ANKRD16: variants seen among roughly 807,000 people sequenced by gnomAD.
ANKRD16 encodes ankyrin repeat domain 16, also known as ankyrin repeat domain-containing protein 16.
ANKRD16 carries 35 observed loss-of-function variants against 37.9 expected under a neutral mutation model. The ratio of observed to expected loss-of-function variants is 0.92; its 90% CI spans 0.71 to 1.23. The LOEUF (loss-of-function observed/expected upper bound fraction) is 1.23, where lower values mean the gene tolerates loss of function less well. Among genes scored for constraint, ANKRD16 ranks in the 50% most tolerant of loss-of-function variants. The probability of loss-of-function intolerance (pLI) is 0.00; values close to 1 mark genes in which losing one functional copy is unlikely to be tolerated. For synonymous variants in ANKRD16, 206 were observed against 197.2 expected (o/e 1.04, Z -0.37); for missense variants, 480 against 469.9 (o/e 1.02, Z -0.20).
At chr10:5,886,687 T>C (rs1842428826) in intron 2 of ANKRD16, among the ~76,000 whole-genome samples, 1 of 152,246 alleles carries the variant, frequency 6.6e-6, no homozygotes, top group African/African-American at 2.4e-5. Flanking sequence ...ATGTACTACC[T>C]AGAAAGCTAC....
rs1841957156 is a variant in ANKRD16, at chr10:5,862,455, T to C, written c.*270A>G. ...ATCCTCAGACTCTTCCAGTCAATGG[T>C]TGGTGATGTCATCAGCAACCATTTT... is the stretch of plus-strand genomic sequence containing the variant. On this transcript the variant is annotated 3_prime_UTR_variant, in exon 8 of 8. Coordinates refer to ENST00000380094, the MANE Select transcript of ANKRD16 (RefSeq NM_019046.3). The surrounding 1 kb of genome is among the most constrained non-coding windows in gnomAD (Gnocchi z 6.5). 3 of 454,144 alleles carry C rather than the reference T, an allele frequency of 6.6e-6. No individual in the cohort carries two copies. The highest frequency in any genetic ancestry group is 2.0e-5 in the African/African-American group (1 of 49,224). The allele number at this position is 454,144 out of a possible 1,614,324, so 28.1% of individuals were successfully genotyped here. A position where few individuals can be genotyped will look rare whatever the true frequency, so the allele number is the denominator to read the frequency against.
At chr10:5,881,791 C>T (rs1020738504) in intron 5 of ANKRD16, among the ~76,000 whole-genome samples, 1 of 151,052 alleles carries the variant, frequency 6.6e-6, no homozygotes, top group Admixed American at 6.6e-5. Context: ...AGGTTCACAC[C>T]ATTCTCCTGC....
intron 7 of ANKRD16, among the ~76,000 whole-genome samples, chr10:5,875,480 A>C (rs1203709940): frequency 6.6e-6 from 1 of 152,210 alleles, no homozygotes; most frequent in Non-Finnish European, 1.5e-5. Context: ...TGGGGAAAGA[A>C]GATATCAAAT....
Position 5,868,344 on chromosome 10 carries a change from G to T in ANKRD16, c.*34-5653C>A, listed in dbSNP as rs566182465. Among the ~76,000 whole-genome samples, 3 of 152,302 alleles carry T rather than the reference G, an allele frequency of 2.0e-5. No individual in the cohort carries two copies. The highest frequency in any genetic ancestry group is 4.1e-4 in the South Asian group (2 of 4,826). On this transcript the variant is annotated intron_variant, in intron 7 of 7. Transcript: ENST00000380094. The surrounding 1 kb of genome is among the most constrained non-coding windows in gnomAD (Gnocchi z 4.9). ...CTTCTTTGCCCCTATCCAGCAGGAAGTAGCTAGAATGGTCATCACCCAATT... is the reference window on the plus strand; with the variant it reads ...CTTCTTTGCCCCTATCCAGCAGGAATTAGCTAGAATGGTCATCACCCAATT...
intron 7 of ANKRD16, among the ~76,000 whole-genome samples, chr10:5,873,046 CT>C (rs1474881454): frequency 3.6e-5 from 2 of 56,012 alleles, no homozygotes; most frequent in Non-Finnish European, 7.4e-5. Context: ...TTTTTTTTTT[CT>C]GAGACAGAGT....
rs1249780085 is a variant in ANKRD16 at position 5,871,278 on chromosome 10, TCAGGAGGCTGAGG to T, written c.*33+6806_*33+6818del. ...GGCGCACGCCTGTAATCCCAGCTAC[TCAGGAGGCTGAGG>T]CAGGAGAATCGCTTGAACCCGGGAG... On this transcript the variant is annotated intron_variant, in intron 7 of 7. Coordinates refer to ENST00000380094, the MANE Select transcript of ANKRD16 (RefSeq NM_019046.3). This position sits in a 1 kb window ranked among gnomAD's most constrained non-coding sequence, Gnocchi z 4.5. Among the ~76,000 whole-genome samples the T allele has an allele frequency of 6.6e-6, 1 of 152,020 alleles. No homozygotes were observed. The highest frequency in any genetic ancestry group is 1.5e-5 in the Non-Finnish European group (1 of 67,992).
In ANKRD16 at chr10:5,868,840, A is replaced by C. The variant is rs116596766; in HGVS notation, c.*34-6149T>G. Among the ~76,000 whole-genome samples, 1 of 152,202 alleles carries C rather than the reference A, an allele frequency of 6.6e-6. No individual in the cohort carries two copies. The highest frequency in any genetic ancestry group is 1.5e-5 in the Non-Finnish European group (1 of 68,042). On this transcript the variant is annotated intron_variant, in intron 7 of 7. Transcript: ENST00000380094. This position sits in a 1 kb window ranked among gnomAD's most constrained non-coding sequence, Gnocchi z 4.9. ...AGGAGGAACAAACAACTCTGAATGTACCATCTTTAAGATCATAACACTCAC... is the reference window on the plus strand; with the variant it reads ...AGGAGGAACAAACAACTCTGAATGTCCCATCTTTAAGATCATAACACTCAC...
chr10:5,878,238 G>A lies in ANKRD16; in HGVS notation c.978C>T (p.Leu326=). 1 of 1,614,134 alleles carries A rather than the reference G, an allele frequency of 6.2e-7. No individual in the cohort carries two copies. Among genetic ancestry groups the A allele is most frequent in the Non-Finnish European group, 8.5e-7 (1 of 1,180,026 alleles). The part of the protein sequence containing the change: ...AGQHLACAKF[L]LQSGLKDSED... ...CAGAATCCTTCAGTCCCGACTGCAG[G>A]AGAAACTTGGCACAGGCCAAGTGCT... The change falls in exon 7 of 8, where the codon CTC becomes CTT. Residue 326 remains leucine (L), a synonymous_variant. Coordinates refer to ENST00000380094, the MANE Select transcript of ANKRD16 (RefSeq NM_019046.3). The surrounding 1 kb of genome is among the most constrained non-coding windows in gnomAD (Gnocchi z 5.1).
rs545595412 is a variant in ANKRD16 at position 5,865,684 on chromosome 10, T to C, written c.*34-2993A>G. 7.4e-4 allele frequency among the ~76,000 whole-genome samples: 113 copies of C among 152,342 alleles called. No individual in the cohort carries two copies. Among genetic ancestry groups the C allele is most frequent in the Non-Finnish European group, 1.5e-3 (100 of 68,030 alleles). Reference sequence around the variant, plus strand: ...CTCTTTTCACATGACTTTCTTGTTATGCCTGAAAGTTCCACACCCTTATTA... The same window carrying C: ...CTCTTTTCACATGACTTTCTTGTTACGCCTGAAAGTTCCACACCCTTATTA... On this transcript the variant is annotated intron_variant, in intron 7 of 7. Coordinates refer to ENST00000380094, the MANE Select transcript of ANKRD16 (RefSeq NM_019046.3). This position sits in a 1 kb window ranked among gnomAD's most constrained non-coding sequence, Gnocchi z 4.7.
rs1239611368 is a variant in ANKRD16, at chr10:5,868,707, A to C, written c.*34-6016T>G. Among the ~76,000 whole-genome samples the C allele has an allele frequency of 6.6e-6, 1 of 152,070 alleles. No individual in the cohort carries two copies. The highest frequency in any genetic ancestry group is 1.5e-5 in the Non-Finnish European group (1 of 68,018). The stretch of plus-strand genomic sequence containing the variant: ...TTTGTTCTTTTGCTCTTCATAACAA[A>C]TCTTGCTGCTACTCACTCTTTGGGC... On this transcript the variant is annotated intron_variant, in intron 7 of 7. Transcript: ENST00000380094. This position sits in a 1 kb window ranked among gnomAD's most constrained non-coding sequence, Gnocchi z 4.9.
intron 3 of ANKRD16, among the ~76,000 whole-genome samples, chr10:5,884,739 TAAAA>T (rs34030686): frequency 8.3e-6 from 1 of 120,152 alleles, no homozygotes; most frequent in Non-Finnish European, 1.7e-5. Flanking sequence ...TCTCAAAAAC[TAAAA>T]AAAAAAAAAA....
In ANKRD16 at chr10:5,881,438, T is replaced by TTATAAATATATATATATATATATA. The variant is rs1422263395; in HGVS notation, c.850-1063_850-1062insTATATATATATATATATATTTATA. Among the ~76,000 whole-genome samples the TTATAAATATATATATATATATATA allele has an allele frequency of 1.9e-3, 99 of 50,986 alleles. 12 individuals carry two copies. Among genetic ancestry groups the TTATAAATATATATATATATATATA allele is most frequent in the East Asian group, 5.8e-3 (10 of 1,728 alleles). 33.4% of individuals were successfully genotyped at this position (50,986 alleles called of 152,430 possible). On this transcript the variant is annotated intron_variant, in intron 5 of 7. Transcript: ENST00000380094. ...ATATTTTATAAAATAAAAATATTAT[T>TTATAAATATATATATATATATATA]TATATATATATATATATATATATAT...
Position 5,878,477 on chromosome 10 carries a change from G to A in ANKRD16, c.929-190C>T, listed in dbSNP as rs1447678308. ...TGATTGGGTTGAAAATAGTTTTAAAGATAACAAAACCAGTTAGAGAGGATT... is the reference window on the plus strand; with the variant it reads ...TGATTGGGTTGAAAATAGTTTTAAAAATAACAAAACCAGTTAGAGAGGATT... On this transcript the variant is annotated intron_variant, in intron 6 of 7. Coordinates refer to ENST00000380094, the MANE Select transcript of ANKRD16 (RefSeq NM_019046.3). The surrounding 1 kb of genome is among the most constrained non-coding windows in gnomAD (Gnocchi z 5.1). Among the ~76,000 whole-genome samples the A allele has an allele frequency of 1.3e-5, 2 of 151,976 alleles. No homozygotes were observed. The highest frequency in any genetic ancestry group is 2.9e-5 in the Non-Finnish European group (2 of 68,004).
chr10:5,881,441 T>TAAATATAC (rs1459236408), intron 5 of ANKRD16, among the ~76,000 whole-genome samples: 1 of 21,294 alleles, frequency 4.7e-5, no homozygotes. Flanking sequence ...ATATTATTTA[T>TAAATATAC]ATATATATAT....
intron 3 of ANKRD16, among the ~76,000 whole-genome samples, chr10:5,884,326 A>G (rs866326879): frequency 7.2e-5 from 11 of 152,260 alleles, no homozygotes; most frequent in South Asian, 2.1e-4. Context: ...TGGTCTCTTC[A>G]GCTTCCTGCA....
In ANKRD16 at chr10:5,871,301, C is replaced by T. The variant is rs575204221; in HGVS notation, c.*33+6796G>A. Among the ~76,000 whole-genome samples, 484 of 152,122 alleles carry T rather than the reference C, an allele frequency of 3.2e-3. 4 individuals are homozygous for T. The highest frequency in any genetic ancestry group is 0.011 in the African/African-American group (455 of 41,482). On this transcript the variant is annotated intron_variant, in intron 7 of 7. Transcript: ENST00000380094. This position sits in a 1 kb window ranked among gnomAD's most constrained non-coding sequence, Gnocchi z 4.5. Reference sequence around the variant, plus strand: ...ACTCAGGAGGCTGAGGCAGGAGAATCGCTTGAACCCGGGAGGCAGAGGTTG... The same window carrying T: ...ACTCAGGAGGCTGAGGCAGGAGAATTGCTTGAACCCGGGAGGCAGAGGTTG...
At chr10:5,881,438 T>TTATATATATATA (rs869185709) in intron 5 of ANKRD16, among the ~76,000 whole-genome samples, 57 of 50,922 alleles carry the variant, frequency 1.1e-3, no homozygotes, top group African/African-American at 2.1e-3. Context: ...AAAATATTAT[T>TTATATATATATA]TATATATATA....
At chr10:5,876,468 C>T (rs747637790) in intron 7 of ANKRD16, among the ~76,000 whole-genome samples, 2 of 152,140 alleles carry the variant, frequency 1.3e-5, no homozygotes, top group Non-Finnish European at 2.9e-5. Context: ...CACCTGTACA[C>T]GTGAAATAGC....
chr10:5,887,613 A>G (rs1184418821), intron 2 of ANKRD16, among the ~76,000 whole-genome samples: 1 of 152,114 alleles, frequency 6.6e-6, no homozygotes, highest in Admixed American at 6.5e-5. Context: ...TGAACGCCTG[A>G]CCTCAGGTGA....
Sources: gnomAD v4.1 joint callset for allele counts (sites outside exome capture counted in the v4.1 genomes callset) on GRCh38, gnomAD v4.1.1 for gene constraint, Gnocchi (gnomAD v3.1) non-coding constraint, MANE v1.5 for transcripts, NCBI Gene and HGNC (gene_info 2026-07-23, HGNC 2026-07-21) for gene names.